S100PBP: variants seen among roughly 807,000 people sequenced by gnomAD.
The protein encoded by S100PBP is S100P-binding protein.
Under a neutral mutation model 39.9 loss-of-function variants are expected in S100PBP, and 15 were observed. The observed-to-expected ratio is 0.38, with a 90% CI of 0.25 to 0.58. The LOEUF (loss-of-function observed/expected upper bound fraction) is 0.58, where lower values mean the gene tolerates loss of function less well. Among genes scored for constraint, S100PBP ranks in the 20% least tolerant of loss-of-function variants. The pLI is 0.70. For synonymous variants in S100PBP, 178 were observed against 180.3 expected (o/e 0.99, Z 0.10); for missense variants, 504 against 487.3 (o/e 1.03, Z -0.32).
intron 5 of S100PBP, among the ~76,000 whole-genome samples, chr1:32,831,453 G>C (rs1296653131): frequency 6.6e-6 from 1 of 151,700 alleles, no homozygotes; most frequent in African/African-American, 2.4e-5. Context: ...GAGAATTTTT[G>C]GTCCTTTTGC....
chr1:32,818,241 TC>T (rs1273250721), intron 1 of S100PBP: 1 of 152,300 alleles, frequency 6.6e-6, no homozygotes. Context: ...AGGCGGGAAT[TC>T]GCGGTGTCCC....
intron 5 of S100PBP, among the ~76,000 whole-genome samples, chr1:32,832,635 G>A (rs762330866): frequency 3.9e-5 from 6 of 152,084 alleles, no homozygotes; most frequent in Admixed American, 1.3e-4. Context: ...TTGCAAGGGC[G>A]GGGGTGGTAT....
intron 5 of S100PBP, among the ~76,000 whole-genome samples, chr1:32,842,234 TATACACAC>T (rs1376171865): frequency 0.014 from 1,330 of 91,886 alleles, 14 homozygotes; most frequent in African/African-American, 0.039. Context: ...TATATATATA[TATACACAC>T]ACACACACAC....
chr1:32,826,773 A>G lies in S100PBP; in HGVS notation c.674A>G (p.Asp225Gly). Residue 225 changes from aspartate to glycine, a missense_variant, in exon 3 of 7, where the codon GAT becomes GGT. Transcript: ENST00000373475. Reference sequence around the variant, plus strand: ...AATAACTTTCAACAGACTGTCTCTGATAAAAATATGCCTGACAGTGAGAAC... The same window carrying G: ...AATAACTTTCAACAGACTGTCTCTGGTAAAAATATGCCTGACAGTGAGAAC... ...SNNNFQQTVS[D>G]KNMPDSENPT... 1 of 1,614,170 alleles carries G rather than the reference A, an allele frequency of 6.2e-7. No individual in the cohort carries two copies. Among genetic ancestry groups the G allele is most frequent in the East Asian group, 2.2e-5 (1 of 44,882 alleles).
rs771182253 is a variant in S100PBP at position 32,826,691 on chromosome 1, G to A, written c.592G>A (p.Glu198Lys). ...PNESKLCTESEGISPNNSAWN... is the reference protein window; with the variant it reads ...PNESKLCTESKGISPNNSAWN... Reference sequence around the variant, plus strand: ...TGAAAGCAAACTTTGTACTGAATCTGAAGGGATCAGCCCCAATAACTCTGC... The same window carrying A: ...TGAAAGCAAACTTTGTACTGAATCTAAAGGGATCAGCCCCAATAACTCTGC... Residue 198 changes from glutamate (E) to lysine (K), a missense_variant, in exon 3 of 7, where the codon GAA becomes AAA. Coordinates refer to ENST00000373475, the MANE Select transcript of S100PBP (RefSeq NM_022753.4). 6.8e-6 allele frequency: 11 copies of A among 1,614,170 alleles called. 1 individual carries two copies. In the South Asian group the frequency reaches 1.2e-4, roughly 18 times the overall value.
rs765003629 is a variant in S100PBP, at chr1:32,845,391, G to A, written c.1025-7688G>A. On this transcript the variant is annotated intron_variant, in intron 5 of 6. Transcript: ENST00000373475. ...CCAGGAGGCTGAGTGAACCAATGTC[G>A]TGTCACGGCACTCCAGCCTAGGTGA... Among the ~76,000 whole-genome samples the A allele has an allele frequency of 1.1e-4, 16 of 151,854 alleles. 1 individual carries two copies. The highest frequency in any genetic ancestry group is 1.6e-4 in the Non-Finnish European group (11 of 67,990).
At chr1:32,837,513 C>T (rs139751114) in intron 5 of S100PBP, among the ~76,000 whole-genome samples, 18,820 of 138,972 alleles carry the variant, frequency 0.14, 1,585 homozygotes, top group South Asian at 0.23. Flanking sequence ...TGCGGTGAGC[C>T]GAGATCGCGC....
intron 5 of S100PBP, among the ~76,000 whole-genome samples, chr1:32,839,279 C>T (rs377365598): frequency 8.9e-4 from 135 of 152,318 alleles, no homozygotes; most frequent in African/African-American, 3.2e-3. Flanking sequence ...GCACAATGTC[C>T]TCAAGATTCA....
intron 5 of S100PBP, among the ~76,000 whole-genome samples, chr1:32,851,792 T>G (rs1398212737): frequency 1.3e-5 from 2 of 152,222 alleles, no homozygotes; most frequent in Admixed American, 1.3e-4. Context: ...TTTCTGATTA[T>G]GTATAATCAG....
intron 5 of S100PBP, among the ~76,000 whole-genome samples, chr1:32,841,279 C>T (rs1382026305): frequency 6.6e-6 from 1 of 152,014 alleles, no homozygotes; most frequent in Non-Finnish European, 1.5e-5. Flanking sequence ...GAAATATTTT[C>T]TCCCAGTATA....
At chr1:32,824,363 T>C (rs914358628) in intron 1 of S100PBP, among the ~76,000 whole-genome samples, 4 of 152,196 alleles carry the variant, frequency 2.6e-5, no homozygotes, top group South Asian at 4.1e-4. Flanking sequence ...TTCTCAGATA[T>C]GTGAAATACT....
rs1409613345 is a variant in S100PBP at position 32,826,129 on chromosome 1, G to C, written c.30G>C (p.Gln10His). 1.9e-6 allele frequency: 3 copies of C among 1,613,628 alleles called. No homozygotes were observed. In the African/African-American group the frequency reaches 4.0e-5, roughly 22 times the overall value. ...TGTGCTCACGGGTGCCCTCTGAACA[G>C]TCTTCTGGTACCTCTCTCTTGCCTA... MMCSRVPSE[Q>H]SSGTSLLPKD... Residue 10 changes from glutamine (Q) to histidine (H), a missense_variant, in exon 3 of 7, where the codon CAG becomes CAC. Physicochemically the swap from Gln to His is conservative, Grantham distance 24 (BLOSUM62 0). Coordinates refer to ENST00000373475, the MANE Select transcript of S100PBP (RefSeq NM_022753.4).
intron 1 of S100PBP, chr1:32,818,440 A>T (rs1333879596): frequency 6.6e-6 from 1 of 152,308 alleles, no homozygotes; most frequent in African/African-American, 2.4e-5. Flanking sequence ...TTATTACCTC[A>T]GTGGGCCCTG....
At chr1:32,821,228 A>G (rs1048668983) in intron 1 of S100PBP, among the ~76,000 whole-genome samples, 21 of 152,182 alleles carry the variant, frequency 1.4e-4, no homozygotes, top group Admixed American at 1.3e-4. Context: ...TCACGAGGTC[A>G]GGAGATCAAG....
At chr1:32,841,872 C>G (rs1033390586) in intron 5 of S100PBP, among the ~76,000 whole-genome samples, 3 of 150,800 alleles carry the variant, frequency 2.0e-5, no homozygotes, top group African/African-American at 7.3e-5. Context: ...ACATTTAGAT[C>G]TATGATCCTT....
chr1:32,818,708 G>A (rs1432802305), intron 1 of S100PBP: 2 of 152,150 alleles, frequency 1.3e-5, no homozygotes, highest in African/African-American at 4.8e-5. Context: ...TGTTTTTTCC[G>A]TCCTGCAGTG....
At chr1:32,850,850 G>A (rs964386013) in intron 5 of S100PBP, among the ~76,000 whole-genome samples, 2 of 152,330 alleles carry the variant, frequency 1.3e-5, no homozygotes, top group Admixed American at 1.3e-4. Context: ...CATAGTTTAT[G>A]TGTGGATGGA....
chr1:32,831,023 T>C lies in S100PBP; in HGVS notation c.1024+956T>C, dbSNP rs576723157. Among the ~76,000 whole-genome samples, 7 of 151,170 alleles carry C rather than the reference T, an allele frequency of 4.6e-5. No homozygotes were observed. The South Asian group carries it at 1.5e-3, about 32-fold the overall frequency. ...TGAACCCGGGAGGCAGAGGTTGCAGTGAGCCAAGATCATGCCGTCGCACTT... is the reference window on the plus strand; with the variant it reads ...TGAACCCGGGAGGCAGAGGTTGCAGCGAGCCAAGATCATGCCGTCGCACTT... On this transcript the variant is annotated intron_variant, in intron 5 of 6. Coordinates refer to ENST00000373475, the MANE Select transcript of S100PBP (RefSeq NM_022753.4).
intron 1 of S100PBP, among the ~76,000 whole-genome samples, chr1:32,824,418 G>A (rs1290150529): frequency 6.6e-6 from 1 of 152,074 alleles, no homozygotes; most frequent in African/African-American, 2.4e-5. Flanking sequence ...TATAGATTAG[G>A]TCTGTCATTA....
Sources: allele counts gnomAD v4.1 joint callset (sites outside exome capture counted in the v4.1 genomes callset), GRCh38; gene constraint gnomAD v4.1.1; transcripts MANE v1.5; gene names NCBI Gene and HGNC (gene_info 2026-07-23, HGNC 2026-07-21).